DNAH17: variants seen among roughly 807,000 people sequenced by gnomAD.
The protein encoded by DNAH17 is axonemal beta dynein heavy chain 17.
DNAH17 carries 376 observed loss-of-function variants against 485.6 expected under a neutral mutation model. The observed-to-expected ratio is 0.77, with a 90% CI of 0.71 to 0.84. DNAH17 has a LOEUF of 0.84. Ranked by LOEUF, DNAH17 falls within the 40% of genes least tolerant of loss-of-function variation. The pLI, the probability that DNAH17 is intolerant of heterozygous loss-of-function variation, is 0.00. For missense variants in DNAH17, 6,370 were observed against 5,839.3 expected (o/e 1.09, Z -2.96); for synonymous variants, 3,031 against 2,405.9 (o/e 1.26, Z -7.60).
Position 78,425,553 on chromosome 17 carries a change from T to G in DNAH17, c.12934A>C (p.Thr4312Pro). ...ACGGTGGTGGGCAGGGCAAAGTCTG[T>G]CGTCCAGGCCTCGAGTTCCTGCAAG... The part of the protein sequence containing the change: ...LRIRELEAWT[T>P]DFALPTTVWL... Residue 4312 changes from threonine (T) to proline (P), a missense_variant, in exon 80 of 81, where the codon ACA becomes CCA. Coordinates refer to ENST00000389840, the MANE Select transcript of DNAH17 (RefSeq NM_173628.4). 2 of 1,611,748 alleles carry G rather than the reference T, an allele frequency of 1.2e-6. No individual in the cohort carries two copies. The highest frequency in any genetic ancestry group is 1.3e-5 in the African/African-American group (1 of 74,920).
rs755901703 is a variant in DNAH17, at chr17:78,434,221, C to T, written c.12034-1G>A. 5.6e-6 allele frequency: 9 copies of T among 1,601,368 alleles called. No individual in the cohort carries two copies. The highest frequency in any genetic ancestry group is 6.8e-6 in the Non-Finnish European group (8 of 1,170,548). Reference sequence around the variant, plus strand: ...CCTTGGTGCACATCTCCAGGGTGTCCTGTGGGGCACACGCTCCGGTCAGGT... The same window carrying T: ...CCTTGGTGCACATCTCCAGGGTGTCTTGTGGGGCACACGCTCCGGTCAGGT... On this transcript the variant is annotated splice_acceptor_variant, in intron 74 of 80. Coordinates refer to ENST00000389840, the MANE Select transcript of DNAH17 (RefSeq NM_173628.4). LOFTEE classifies it high-confidence loss of function.
At position 78,526,681 on chromosome 17, in the gene DNAH17, G is replaced by A. The variant is rs377583819; in HGVS notation, c.3681C>T (p.Ser1227=). 26 of 1,610,576 alleles carry A rather than the reference G, an allele frequency of 1.6e-5. No homozygotes were observed. Among genetic ancestry groups the A allele is most frequent in the Admixed American group, 6.7e-5 (4 of 59,728 alleles). Residue 1227 remains serine (S), a synonymous_variant, in exon 24 of 81, where the codon AGC becomes AGT. Coordinates refer to ENST00000389840, the MANE Select transcript of DNAH17 (RefSeq NM_173628.4). ...RFRREAPFSF[S]DPNPYKSLNK... ...TCAGGGACTTGTAGGGGTTGGGGTC[G>A]CTGAAGGAGAACGGGGCCTCGCGCC...
chr17:78,481,933 T>TGA (rs1318572192), intron 48 of DNAH17, among the ~76,000 whole-genome samples: 10 of 152,090 alleles, frequency 6.6e-5, no homozygotes, highest in Admixed American at 6.6e-4. Flanking sequence ...GAGAATTGCT[T>TGA]GAACCTGGGA....
At chr17:78,524,224 G>A (rs2091004917) in intron 25 of DNAH17, among the ~76,000 whole-genome samples, 1 of 152,146 alleles carries the variant, frequency 6.6e-6, no homozygotes, top group African/African-American at 2.4e-5. Context: ...TGCAACCTCT[G>A]CCTCCCAGGT....
At chr17:78,539,644 AT>A in intron 18 of DNAH17, 92 bp downstream of exon 18, 2 of 1,118,818 alleles carry the variant, frequency 1.8e-6, no homozygotes, top group Non-Finnish European at 2.4e-6. Flanking sequence ...TATTTATAAA[AT>A]GATAGCCTGT....
At chr17:78,537,187 A>AC (rs1555686713) in intron 19 of DNAH17, 112 bp downstream of exon 19, 2 of 988,188 alleles carry the variant, frequency 2.0e-6, no homozygotes, top group Non-Finnish European at 2.8e-6. Context: ...CAAAAAAAAA[A>AC]AAAGAAAAAA....
Position 78,574,947 on chromosome 17 carries a change from C to G in DNAH17, c.111G>C (p.Val37=), listed in dbSNP as rs376803967. 3.0e-4 allele frequency: 480 copies of G among 1,613,996 alleles called. 3 individuals carry two copies. The African/African-American group carries it at 5.6e-3, about 19-fold the overall frequency. Residue 37 remains valine, a synonymous_variant, in exon 2 of 81, where the codon GTG becomes GTC. Coordinates refer to ENST00000389840, the MANE Select transcript of DNAH17 (RefSeq NM_173628.4). The part of the protein sequence containing the change: ...WSKLIGAEEN[V]ALFTEFFEKP... Reference sequence around the variant, plus strand: ...TTTCAAAGAACTCTGTGAACAGGGCCACGTTCTCCTCGGCGCCTATCAGCT... The same window carrying G: ...TTTCAAAGAACTCTGTGAACAGGGCGACGTTCTCCTCGGCGCCTATCAGCT...
rs748519472 is a variant in DNAH17, at chr17:78,567,042, A to C, written c.1409T>G (p.Val470Gly). ...IYDEVFELVKVFADCKYDPLD... is the reference protein window; with the variant it reads ...IYDEVFELVKGFADCKYDPLD... ...GGGATCATATTTGCAGTCGGCAAAAACCTTCACCAGCTCAAAGACCTCATC... is the reference window on the plus strand; with the variant it reads ...GGGATCATATTTGCAGTCGGCAAAACCCTTCACCAGCTCAAAGACCTCATC... Residue 470 changes from valine (V) to glycine (G), a missense_variant, in exon 10 of 81, where the codon GTT becomes GGT. Coordinates refer to ENST00000389840, the MANE Select transcript of DNAH17 (RefSeq NM_173628.4). The C allele has an allele frequency of 6.2e-7, 1 of 1,613,708 alleles. No individual in the cohort carries two copies. Among genetic ancestry groups the C allele is most frequent in the Admixed American group, 1.7e-5 (1 of 59,944 alleles).
chr17:78,465,232 C>T (rs1223088208), intron 56 of DNAH17, among the ~76,000 whole-genome samples: 2 of 152,200 alleles, frequency 1.3e-5, no homozygotes, highest in Non-Finnish European at 2.9e-5. Flanking sequence ...TCACTCAGTG[C>T]TCAATGGTGC....
intron 69 of DNAH17, among the ~76,000 whole-genome samples, chr17:78,446,693 G>C (rs1458765901): frequency 6.6e-6 from 1 of 151,882 alleles, no homozygotes; most frequent in Non-Finnish European, 1.5e-5. Flanking sequence ...ACCCAGGCTG[G>C]AGCGCAGTAG....
intron 56 of DNAH17, among the ~76,000 whole-genome samples, chr17:78,464,839 C>CA (rs771770047): frequency 6.6e-6 from 1 of 152,166 alleles, no homozygotes; most frequent in Non-Finnish European, 1.5e-5. Context: ...GACAATGAAA[C>CA]AAAAAAACCC....
intron 13 of DNAH17, 49 bp downstream of exon 13, chr17:78,560,691 C>T (rs768760119): frequency 1.6e-5 from 24 of 1,495,920 alleles, no homozygotes; most frequent in Admixed American, 6.3e-5. Flanking sequence ...GCAGGCCCTC[C>T]CCCCGCTCCC....
chr17:78,558,395 T>C (rs2092074577), intron 13 of DNAH17, 141 bp from the exon 14 acceptor site: 2 of 1,059,624 alleles, frequency 1.9e-6, no homozygotes, highest in Non-Finnish European at 2.7e-6. Context: ...CAGTATTTGT[T>C]GGCAGGACCA....
intron 56 of DNAH17, among the ~76,000 whole-genome samples, chr17:78,463,285 A>G (rs930920375): frequency 1.3e-5 from 2 of 152,234 alleles, no homozygotes; most frequent in African/African-American, 2.4e-5. Flanking sequence ...AGCTCAGCGC[A>G]CAGGACACAG....
chr17:78,559,635 G>C (rs112835478), intron 13 of DNAH17, among the ~76,000 whole-genome samples: 6 of 152,134 alleles, frequency 3.9e-5, no homozygotes, highest in Non-Finnish European at 8.8e-5. Context: ...TTCAATCTAC[G>C]CACCTCACAG....
rs1335891329 is a variant in DNAH17, at chr17:78,453,332, A to G, written c.10529+11T>C. On this transcript the variant is annotated intron_variant, in intron 65 of 80. Transcript: ENST00000389840. ...TACCTGGCTCAAGCCACGGAGGCGGAAACAACTCACTTTCCCTTTTTAATC... is the reference window on the plus strand; with the variant it reads ...TACCTGGCTCAAGCCACGGAGGCGGGAACAACTCACTTTCCCTTTTTAATC... 1.2e-6 allele frequency: 2 copies of G among 1,612,504 alleles called. No individual in the cohort carries two copies. The highest frequency in any genetic ancestry group is 3.3e-5 in the Admixed American group (2 of 59,768).
intron 31 of DNAH17, among the ~76,000 whole-genome samples, chr17:78,504,786 G>A (rs963451005): frequency 6.6e-5 from 10 of 151,370 alleles, no homozygotes; most frequent in Admixed American, 1.3e-4. Flanking sequence ...CTGTGCAGCC[G>A]ATTATTTCAG....
chr17:78,425,078 A>G (rs970762724), intron 80 of DNAH17: 2 of 366,014 alleles, frequency 5.5e-6, no homozygotes, highest in Non-Finnish European at 1.0e-5. Flanking sequence ...GCTCTCTCAC[A>G]AGCTCTGCTG....
chr17:78,489,343 A>C (rs539132055), intron 44 of DNAH17: 1 of 152,328 alleles, frequency 6.6e-6, no homozygotes, highest in Non-Finnish European at 1.5e-5. Context: ...TGTCTCGACA[A>C]ATACTACAAA....
Sources: allele counts gnomAD v4.1 joint callset (sites outside exome capture counted in the v4.1 genomes callset), GRCh38; gene constraint gnomAD v4.1.1; transcripts MANE v1.5; gene names NCBI Gene and HGNC (gene_info 2026-07-23, HGNC 2026-07-21).